FHOD3: variants seen among roughly 807,000 people sequenced by gnomAD.
The protein encoded by FHOD3 is formin homology 2 domain containing 3.
FHOD3 carries 90 observed loss-of-function variants against 173.0 expected under a neutral mutation model. The ratio of observed to expected loss-of-function variants is 0.52; its 90% CI spans 0.44 to 0.62. The LOEUF is 0.62. FHOD3 is among the 20% of genes least tolerant of loss of function. The pLI, the probability that FHOD3 is intolerant of heterozygous loss-of-function variation, is 0.00. For synonymous variants in FHOD3, 828 were observed against 823.0 expected, an observed-to-expected ratio of 1.01 and a Z score of -0.10; for missense variants, 1,945 against 2,034.7, an observed-to-expected ratio of 0.96 and a Z score of 0.85.
intron 3 of FHOD3, among the ~76,000 whole-genome samples, chr18:36,444,098 C>T (rs1181310746): frequency 6.9e-6 from 1 of 144,634 alleles, no homozygotes; most frequent in Admixed American, 7.4e-5. Context: ...GAGGCTGAGG[C>T]AGGAGAATGG....
chr18:36,622,037 C>A (rs548146077), intron 9 of FHOD3, among the ~76,000 whole-genome samples: 61 of 152,244 alleles, frequency 4.0e-4, no homozygotes, highest in South Asian at 1.7e-3. Flanking sequence ...TTTCCTACAA[C>A]TTGGATGAAC....
chr18:36,776,332 GTGTACA>G (rs1364173275), intron 28 of FHOD3, among the ~76,000 whole-genome samples: 1 of 152,098 alleles, frequency 6.6e-6, no homozygotes. Context: ...GAGGCTCAGG[GTGTACA>G]TGTACATGAT....
chr18:36,306,398 T>C (rs920816026), intron 1 of FHOD3, among the ~76,000 whole-genome samples: 1 of 152,218 alleles, frequency 6.6e-6, no homozygotes, highest in Non-Finnish European at 1.5e-5. Flanking sequence ...GTCTTGATGA[T>C]GTCTGGTGGG....
intron 27 of FHOD3, among the ~76,000 whole-genome samples, chr18:36,765,833 G>A (rs554730094): frequency 1.3e-5 from 2 of 152,030 alleles, no homozygotes; most frequent in East Asian, 3.9e-4. Context: ...AAGATCTGAG[G>A]GACACAGTTG....
At chr18:36,397,579 A>C (rs539338076) in intron 3 of FHOD3, among the ~76,000 whole-genome samples, 1 of 152,158 alleles carries the variant, frequency 6.6e-6, no homozygotes, top group Non-Finnish European at 1.5e-5. Flanking sequence ...TTTAATGTAG[A>C]TTTATATAGA....
At chr18:36,752,151 G>A (rs2042428126) in intron 24 of FHOD3, among the ~76,000 whole-genome samples, 1 of 152,112 alleles carries the variant, frequency 6.6e-6, no homozygotes, top group Non-Finnish European at 1.5e-5. Flanking sequence ...AGAACAGGAT[G>A]GGGGATACCG....
chr18:36,526,783 C>T (rs1484512543), intron 5 of FHOD3, among the ~76,000 whole-genome samples: 1 of 152,170 alleles, frequency 6.6e-6, no homozygotes, highest in East Asian at 1.9e-4. Flanking sequence ...AAATGTGATA[C>T]TTGAATCAAA....
intron 15 of FHOD3, among the ~76,000 whole-genome samples, chr18:36,683,122 T>A (rs1011389972): frequency 2.0e-5 from 3 of 152,220 alleles, no homozygotes; most frequent in Admixed American, 1.3e-4. Context: ...TACCAAACGA[T>A]ATTTGGAAAT....
At chr18:36,575,258 A>T (rs2147971842) in intron 5 of FHOD3, among the ~76,000 whole-genome samples, 1 of 152,236 alleles carries the variant, frequency 6.6e-6, no homozygotes, top group East Asian at 1.9e-4. Flanking sequence ...GGCATGAGCC[A>T]CTGTGCCCAG....
chr18:36,730,789 C>T lies in FHOD3; in HGVS notation c.3561C>T (p.Asn1187=), dbSNP rs779794619. Residue 1187 remains asparagine (N), a synonymous_variant, in exon 20 of 29, where the codon AAC becomes AAT. Coordinates refer to ENST00000590592, the MANE Select transcript of FHOD3 (RefSeq NM_001281740.3). Reference sequence around the variant, plus strand: ...TGAATTTTGATGAGTATGCCTTAAACAAAGAAGGAATCGAGGTGAGGGAAG... The same window carrying T: ...TGAATTTTGATGAGTATGCCTTAAATAAAGAAGGAATCGAGGTGAGGGAAG... ...AILNFDEYAL[N]KEGIEKILTM... is the part of the protein sequence containing the mutation. 1 of 1,613,858 alleles carries T rather than the reference C, an allele frequency of 6.2e-7. No individual in the cohort carries two copies. Among genetic ancestry groups the T allele is most frequent in the Non-Finnish European group, 8.5e-7 (1 of 1,179,938 alleles).
At chr18:36,395,782 A>T (rs910992601) in intron 3 of FHOD3, among the ~76,000 whole-genome samples, 1 of 152,214 alleles carries the variant, frequency 6.6e-6, no homozygotes, top group Non-Finnish European at 1.5e-5. Context: ...TTTCTAAAAT[A>T]TGTTGTATGT....
At chr18:36,642,019 T>A (rs888383647) in intron 10 of FHOD3, among the ~76,000 whole-genome samples, 2 of 152,098 alleles carry the variant, frequency 1.3e-5, no homozygotes, top group Non-Finnish European at 2.9e-5. Context: ...ACTGCTTTTT[T>A]AGTAAACGAA....
At chr18:36,593,206 A>G (rs2059285696) in intron 6 of FHOD3, among the ~76,000 whole-genome samples, 3 of 152,200 alleles carry the variant, frequency 2.0e-5, no homozygotes, top group African/African-American at 7.2e-5. Flanking sequence ...ATTTGATACC[A>G]TGGAGGCCAC....
At chr18:36,517,370 A>G (rs886161837) in intron 5 of FHOD3, among the ~76,000 whole-genome samples, 2 of 152,156 alleles carry the variant, frequency 1.3e-5, no homozygotes, top group African/African-American at 4.8e-5. Flanking sequence ...GGTTGTGACG[A>G]TGGAACCAAG....
At chr18:36,759,523 G>C (rs2042778846) in intron 26 of FHOD3, among the ~76,000 whole-genome samples, 1 of 152,230 alleles carries the variant, frequency 6.6e-6, no homozygotes, top group Admixed American at 6.5e-5. Flanking sequence ...AATCAAAGAG[G>C]AAGTGGGGCA....
intron 3 of FHOD3, among the ~76,000 whole-genome samples, chr18:36,463,281 G>A (rs1236076312): frequency 1.8e-5 from 1 of 54,072 alleles, no homozygotes; most frequent in Non-Finnish European, 5.2e-5. Flanking sequence ...GCTGTGACAA[G>A]CATTTAACCC....
At chr18:36,557,706 G>A (rs1288525306) in intron 5 of FHOD3, among the ~76,000 whole-genome samples, 1 of 151,000 alleles carries the variant, frequency 6.6e-6, no homozygotes, top group Admixed American at 6.6e-5. Context: ...TGATATTTTT[G>A]TATTCTTTAT....
chr18:36,724,604 C>T (rs1288955059), intron 19 of FHOD3, among the ~76,000 whole-genome samples: 1 of 152,242 alleles, frequency 6.6e-6, no homozygotes, highest in African/African-American at 2.4e-5. Flanking sequence ...GACCGCCCTC[C>T]TGCTCCCTTT....
chr18:36,517,478 A>G (rs2056054131), intron 5 of FHOD3, among the ~76,000 whole-genome samples: 1 of 152,174 alleles, frequency 6.6e-6, no homozygotes, highest in Non-Finnish European at 1.5e-5. Flanking sequence ...AATTGCACAT[A>G]TGTACTGTGC....
Sources: allele counts gnomAD v4.1 joint callset (sites outside exome capture counted in the v4.1 genomes callset), GRCh38; gene constraint gnomAD v4.1.1; transcripts MANE v1.5; gene names NCBI Gene and HGNC (gene_info 2026-07-23, HGNC 2026-07-21).